The following TNR variants were observed in gnomAD, a reference collection of about 807,000 sequenced individuals.
TNR encodes tenascin R, also known as tenascin-R.
Under a neutral mutation model 150.4 loss-of-function variants are expected in TNR, and 45 were observed. The ratio of observed to expected loss-of-function variants is 0.30; its 90% confidence interval spans 0.24 to 0.38. The LOEUF is 0.38. Ranked by LOEUF, TNR falls within the 10% of genes least tolerant of loss-of-function variation. TNR has a pLI of 1.00. For missense variants in TNR, 1,544 were observed against 1,759.1 expected (o/e 0.88, Z 2.19); for synonymous variants, 687 against 678.4 (o/e 1.01, Z -0.20).
chr1:175,621,091 T>A (rs1318851528), intron 1 of TNR, among the ~76,000 whole-genome samples: 1 of 152,202 alleles, frequency 6.6e-6, no homozygotes, highest in Non-Finnish European at 1.5e-5. Flanking sequence ...GCCATCGTCC[T>A]TGACTGTTAA....
intron 2 of TNR, among the ~76,000 whole-genome samples, chr1:175,513,384 G>T (rs539794369): frequency 6.6e-6 from 1 of 152,142 alleles, no homozygotes; most frequent in Non-Finnish European, 1.5e-5. Flanking sequence ...AACACATGTA[G>T]TCTAGGTTCT....
intron 1 of TNR, among the ~76,000 whole-genome samples, chr1:175,737,860 C>A (rs1344057853): frequency 2.6e-5 from 4 of 152,108 alleles, no homozygotes; most frequent in Non-Finnish European, 4.4e-5. Context: ...CTCATTTGTC[C>A]CTGACCCCAG....
intron 2 of TNR, among the ~76,000 whole-genome samples, chr1:175,473,420 G>A (rs1173899801): frequency 6.6e-6 from 1 of 152,158 alleles, no homozygotes; most frequent in Non-Finnish European, 1.5e-5. Context: ...GAAACACCAG[G>A]GGAGAGATGT....
At chr1:175,437,554 A>G (rs1308302487) in intron 2 of TNR, among the ~76,000 whole-genome samples, 4 of 152,372 alleles carry the variant, frequency 2.6e-5, no homozygotes, top group Admixed American at 2.0e-4. Flanking sequence ...AAACAGAGAC[A>G]CAAAAAACCC....
chr1:175,469,997 G>A (rs1657213385), intron 2 of TNR, among the ~76,000 whole-genome samples: 2 of 152,092 alleles, frequency 1.3e-5, no homozygotes, highest in South Asian at 2.1e-4. Context: ...CACTTGATGG[G>A]GGCCAGGGAA....
At chr1:175,415,942 C>A (rs1271843039) in intron 2 of TNR, among the ~76,000 whole-genome samples, 1 of 152,044 alleles carries the variant, frequency 6.6e-6, no homozygotes, top group Non-Finnish European at 1.5e-5. Context: ...GTGGGGGCGC[C>A]TATTTCTTTT....
In TNR at chr1:175,548,174, G is replaced by A. The variant is rs1021601056; in HGVS notation, c.-164-19805C>T. On this transcript the variant is annotated intron_variant, in intron 1 of 22. Coordinates refer to ENST00000367674, the MANE Select transcript of TNR (RefSeq NM_003285.3). ...TTACGCAGAGGCTCTGGGCACTTCT[G>A]CGGAGAGGAATCTCAGATCCTCCCT... 2.6e-5 allele frequency among the ~76,000 whole-genome samples: 4 copies of A among 152,146 alleles called. No homozygotes were observed. In the East Asian group the frequency reaches 5.8e-4, roughly 22 times the overall value.
rs193097741 is a variant in TNR, at chr1:175,415,197, G to A, written c.-63-8420C>T. 1.7e-3 allele frequency among the ~76,000 whole-genome samples: 248 copies of A among 148,698 alleles called. 3 individuals are homozygous for A. The highest frequency in any genetic ancestry group is 5.9e-3 in the African/African-American group (238 of 40,372). On this transcript the variant is annotated intron_variant, in intron 2 of 22. Transcript: ENST00000367674. ...GTTTAAAAATAGTTTCCTCCCTGCC[G>A]TTGGGATGCTCTGTCACTTGGAGAA... is the stretch of plus-strand genomic sequence containing the variant.
chr1:175,599,053 C>G lies in TNR; in HGVS notation c.-164-70684G>C, dbSNP rs1000293920. ...AAGGGCTTCCCCAAGGTCACACGTTCAGTGACGGAGAGGCAGGGTGGAGCT... is the reference window on the plus strand; with the variant it reads ...AAGGGCTTCCCCAAGGTCACACGTTGAGTGACGGAGAGGCAGGGTGGAGCT... On this transcript the variant is annotated intron_variant, in intron 1 of 22. Transcript: ENST00000367674. This position sits in a 1 kb window ranked among gnomAD's most constrained non-coding sequence, Gnocchi z 4.7. 1.3e-5 allele frequency among the ~76,000 whole-genome samples: 2 copies of G among 152,232 alleles called. No individual in the cohort carries two copies. Among genetic ancestry groups the G allele is most frequent in the East Asian group, 3.9e-4 (2 of 5,192 alleles).
intron 2 of TNR, among the ~76,000 whole-genome samples, chr1:175,485,873 C>T (rs1177275329): frequency 6.6e-6 from 1 of 152,184 alleles, no homozygotes; most frequent in Non-Finnish European, 1.5e-5. Context: ...AAGCATTTTA[C>T]ATATAATTTT....
chr1:175,703,534 C>A (rs1442151818), intron 1 of TNR, among the ~76,000 whole-genome samples: 2 of 152,164 alleles, frequency 1.3e-5, no homozygotes, highest in African/African-American at 4.8e-5. Flanking sequence ...AGGGCCTAGA[C>A]TCAGTTAACA....
At chr1:175,714,011 T>G (rs546164559) in intron 1 of TNR, among the ~76,000 whole-genome samples, 40 of 152,186 alleles carry the variant, frequency 2.6e-4, no homozygotes, top group African/African-American at 9.6e-4. Flanking sequence ...GCTCCTTCCT[T>G]TGTGCCTTCT....
rs957355223 is a variant in TNR, at chr1:175,330,311, G to T, written c.3632-76C>A. On this transcript the variant is annotated intron_variant, in intron 20 of 22. Transcript: ENST00000367674. ...AAAATGGGAGGGAAATGCGTCTGTGGCTTCAAAACATGTTACAGGGAAGAG... is the reference window on the plus strand; with the variant it reads ...AAAATGGGAGGGAAATGCGTCTGTGTCTTCAAAACATGTTACAGGGAAGAG... 4.9e-6 allele frequency: 7 copies of T among 1,427,528 alleles called. No homozygotes were observed. In the African/African-American group the frequency reaches 9.9e-5, roughly 20 times the overall value. The allele number at this position is 1,427,528 out of a possible 1,614,324, so 88.4% of individuals were successfully genotyped here.
At chr1:175,360,926 T>C (rs1651560993) in intron 14 of TNR, among the ~76,000 whole-genome samples, 1 of 152,172 alleles carries the variant, frequency 6.6e-6, no homozygotes, top group African/African-American at 2.4e-5. Flanking sequence ...AATAAGACAT[T>C]CTGGGGCAAT....
chr1:175,378,613 A>C (rs535743182), intron 9 of TNR, among the ~76,000 whole-genome samples: 1 of 152,344 alleles, frequency 6.6e-6, no homozygotes, highest in Non-Finnish European at 1.5e-5. Context: ...CATTGGCTAG[A>C]TGAAGAGGTT....
intron 1 of TNR, among the ~76,000 whole-genome samples, chr1:175,703,862 T>C (rs1409856408): frequency 6.6e-6 from 1 of 152,226 alleles, no homozygotes; most frequent in Non-Finnish European, 1.5e-5. Flanking sequence ...AGGCGGAGTC[T>C]AAATCCTGGC....
chr1:175,614,665 A>T (rs1558038005), intron 1 of TNR, among the ~76,000 whole-genome samples: 1 of 152,234 alleles, frequency 6.6e-6, no homozygotes, highest in Admixed American at 6.5e-5. Flanking sequence ...GAAGCTGGGC[A>T]GTTCCCTTGG....
At chr1:175,658,393 C>T (rs1665257707) in intron 1 of TNR, among the ~76,000 whole-genome samples, 2 of 152,196 alleles carry the variant, frequency 1.3e-5, no homozygotes, top group African/African-American at 4.8e-5. Flanking sequence ...TCTCAGGAGG[C>T]AGGCCAACCC....
At chr1:175,475,768 T>C (rs1657520760) in intron 2 of TNR, among the ~76,000 whole-genome samples, 1 of 144,954 alleles carries the variant, frequency 6.9e-6, no homozygotes, top group South Asian at 2.2e-4. Flanking sequence ...CTACCCTGGA[T>C]GAGGAAAAAA....
Sources: allele counts gnomAD v4.1 joint callset (sites outside exome capture counted in the v4.1 genomes callset), GRCh38; gene constraint gnomAD v4.1.1; non-coding constraint Gnocchi (gnomAD v3.1); transcripts MANE v1.5; gene names NCBI Gene and HGNC (gene_info 2026-07-23, HGNC 2026-07-21).